Variants in GINS1 observed in about 807,000 individuals in gnomAD.
The protein encoded by GINS1 is GINS complex subunit 1.
GINS1 carries 26 observed loss-of-function variants against 34.9 expected under a neutral mutation model. That is an observed-to-expected ratio of 0.74 (90% CI 0.55 to 1.03). GINS1 has a LOEUF of 1.03. GINS1 is among the 50% of genes least tolerant of loss of function. The pLI, the probability that GINS1 is intolerant of heterozygous loss-of-function variation, is 0.00. For missense variants in GINS1, 235 were observed against 237.9 expected (o/e 0.99, Z 0.08); for synonymous variants, 97 against 84.4 (o/e 1.15, Z -0.82).
chr20:25,417,057 T>C (rs764531210), intron 2 of GINS1, 47 bp from the exon 3 acceptor site: 4 of 859,770 alleles, frequency 4.7e-6, no homozygotes, highest in Non-Finnish European at 7.7e-6. Flanking sequence ...AAATTTTACT[T>C]ATCCTGAAAA....
Position 25,417,086 on chromosome 20 carries a change from TTTAAATGCTCC to T in GINS1, c.141-16_141-6del, listed in dbSNP as rs2090325235. Reference sequence around the variant, plus strand: ...CTGAAAAGTACATATTTTTTTTCTTTTTAAATGCTCCTATCAGGAATGAAGCAAAGTCAGGT... The same window carrying T: ...CTGAAAAGTACATATTTTTTTTCTTTTATCAGGAATGAAGCAAAGTCAGGT... On this transcript the variant is annotated splice_polypyrimidine_tract_variant and splice_region_variant and intron_variant, in intron 2 of 6. Coordinates refer to ENST00000262460, the MANE Select transcript of GINS1 (RefSeq NM_021067.5). 1 of 1,228,488 alleles carries T rather than the reference TTTAAATGCTCC, an allele frequency of 8.1e-7. No individual in the cohort carries two copies. Among genetic ancestry groups the T allele is most frequent in the African/African-American group, 1.5e-5 (1 of 66,428 alleles). The allele number at this position is 1,228,488 out of a possible 1,614,324, so 76.1% of individuals were successfully genotyped here.
At position 25,446,127 on chromosome 20, in the gene GINS1, T is replaced by C. The variant is rs970528777; in HGVS notation, c.*136T>C. The C allele has an allele frequency of 5.9e-6, 3 of 511,072 alleles. No homozygotes were observed. Among genetic ancestry groups the C allele is most frequent in the Non-Finnish European group, 1.0e-5 (3 of 286,228 alleles). 31.7% of individuals were successfully genotyped at this position (511,072 alleles called of 1,614,324 possible). ...TTTAAGATAACTAAGAATACTTGGCTAAGAAGTATAATTTGCTAACTATTA... is the reference window on the plus strand; with the variant it reads ...TTTAAGATAACTAAGAATACTTGGCCAAGAAGTATAATTTGCTAACTATTA... On this transcript the variant is annotated 3_prime_UTR_variant, in exon 7 of 7. Coordinates refer to ENST00000262460, the MANE Select transcript of GINS1 (RefSeq NM_021067.5).
chr20:25,424,205 G>GT (rs1263124427), intron 4 of GINS1, among the ~76,000 whole-genome samples: 1 of 152,104 alleles, frequency 6.6e-6, no homozygotes, highest in Non-Finnish European at 1.5e-5. Context: ...TGTAATTACT[G>GT]TAACTATATA....
At chr20:25,416,365 G>A (rs1472709477) in intron 2 of GINS1, among the ~76,000 whole-genome samples, 3 of 152,162 alleles carry the variant, frequency 2.0e-5, no homozygotes, top group Admixed American at 6.5e-5. Context: ...GGTGGCAGAA[G>A]TATATAGAAC....
intron 5 of GINS1, among the ~76,000 whole-genome samples, chr20:25,435,403 A>G (rs924026485): frequency 1.3e-5 from 2 of 152,066 alleles, no homozygotes; most frequent in African/African-American, 2.4e-5. Context: ...GGCTGAAGCA[A>G]TCCACCTCAG....
intron 5 of GINS1, among the ~76,000 whole-genome samples, chr20:25,438,388 T>A (rs1251866960): frequency 6.6e-6 from 1 of 152,096 alleles, no homozygotes; most frequent in Admixed American, 6.6e-5. Flanking sequence ...GGGGCCAATT[T>A]GAAGGAGCTC....
intron 4 of GINS1, among the ~76,000 whole-genome samples, chr20:25,421,525 A>G (rs1488452634): frequency 6.6e-6 from 1 of 152,200 alleles, no homozygotes; most frequent in Non-Finnish European, 1.5e-5. Flanking sequence ...AAATAATAAC[A>G]TCTTTTGTTT....
In GINS1 at chr20:25,447,049, CTTTGT is replaced by C. The variant is rs1026706786; in HGVS notation, c.*1063_*1067del. 7.3e-6 allele frequency: 1 copy of C among 137,756 alleles called. No homozygotes were observed. Among genetic ancestry groups the C allele is most frequent in the Non-Finnish European group, 1.6e-5 (1 of 63,304 alleles). 8.5% of individuals were successfully genotyped at this position (137,756 alleles called of 1,614,324 possible). On this transcript the variant is annotated 3_prime_UTR_variant, in exon 7 of 7. Transcript: ENST00000262460. ...TTTTGTTTTGTTTTTTCGTTTGTTT[CTTTGT>C]TTTGAGATGGAGTCTTGTTCTGTCA...
At chr20:25,431,997 A>G (rs2090429674) in intron 5 of GINS1, among the ~76,000 whole-genome samples, 1 of 151,768 alleles carries the variant, frequency 6.6e-6, no homozygotes, top group South Asian at 2.1e-4. Flanking sequence ...CCTCCCAAGT[A>G]GAGTACCTGG....
In GINS1 at chr20:25,425,259, T is replaced by C; in HGVS notation, c.379T>C (p.Ser127Pro). ...YKRSLATYMR[S>P]LGGDEGLDIT... ...AAGATCTCTTGCTACTTATATGAGGTCACTGGGAGGAGATGAAGGTTTGGA... is the reference window on the plus strand; with the variant it reads ...AAGATCTCTTGCTACTTATATGAGGCCACTGGGAGGAGATGAAGGTTTGGA... Residue 127 changes from serine to proline, a missense_variant, in exon 5 of 7, where the codon TCA (serine) becomes CCA (proline). Physicochemically the swap from Ser to Pro is moderately conservative, Grantham distance 74 (BLOSUM62 -1). Transcript: ENST00000262460. The C allele has an allele frequency of 6.4e-7, 1 of 1,570,790 alleles. No homozygotes were observed. The highest frequency in any genetic ancestry group is 1.3e-5 in the African/African-American group (1 of 74,168).
chr20:25,433,518 A>G (rs571792282), intron 5 of GINS1, among the ~76,000 whole-genome samples: 17 of 152,258 alleles, frequency 1.1e-4, no homozygotes, highest in South Asian at 4.2e-4. Flanking sequence ...TTGTTATACC[A>G]TATCATTTTT....
At chr20:25,427,999 G>A (rs1374456529) in intron 5 of GINS1, among the ~76,000 whole-genome samples, 1 of 151,186 alleles carries the variant, frequency 6.6e-6, no homozygotes, top group Non-Finnish European at 1.5e-5. Context: ...AGCCTCCTGA[G>A]TAGCTGGGAT....
At chr20:25,414,167 C>T (rs564231635) in intron 2 of GINS1, among the ~76,000 whole-genome samples, 17 of 115,062 alleles carry the variant, frequency 1.5e-4, no homozygotes, top group South Asian at 1.4e-3. Context: ...TCCAGCCTGG[C>T]GATAGGGCAA....
chr20:25,446,048 T>C lies in GINS1; in HGVS notation c.*57T>C. ...AACTCATGGACTCCTCTGTACTCACTCTCTCCACCACTCCCTTCACCTCCC... is the reference window on the plus strand; with the variant it reads ...AACTCATGGACTCCTCTGTACTCACCCTCTCCACCACTCCCTTCACCTCCC... On this transcript the variant is annotated 3_prime_UTR_variant, in exon 7 of 7. Transcript: ENST00000262460. 1 of 870,192 alleles carries C rather than the reference T, an allele frequency of 1.1e-6. No homozygotes were observed. Among genetic ancestry groups the C allele is most frequent in the Non-Finnish European group, 1.8e-6 (1 of 546,626 alleles). The allele number at this position is 870,192 out of a possible 1,614,324, so 53.9% of individuals were successfully genotyped here.
Position 25,422,411 on chromosome 20 carries a change from C to CA in GINS1, c.331-2793dup, listed in dbSNP as rs1481998400. On this transcript the variant is annotated intron_variant, in intron 4 of 6. Coordinates refer to ENST00000262460, the MANE Select transcript of GINS1 (RefSeq NM_021067.5). ...CAACAGGGTGAAACCCTATCTCTAC[C>CA]AAAAAAAGAAAAAAAAAAACAAAAA... Among the ~76,000 whole-genome samples, 978 of 149,316 alleles carry CA rather than the reference C, an allele frequency of 6.5e-3. 15 individuals are homozygous for CA. Among genetic ancestry groups the CA allele is most frequent in the African/African-American group, 0.023 (936 of 40,664 alleles).
chr20:25,441,689 T>G lies in GINS1; in HGVS notation c.448-13T>G. ...ACTAATTTAGATAAAACATCTCTCA[T>G]TTTTTCTTTCAGGTCCGGTGTCTAA... On this transcript the variant is annotated splice_polypyrimidine_tract_variant and intron_variant, in intron 5 of 6. Transcript: ENST00000262460. The G allele has an allele frequency of 7.1e-7, 1 of 1,414,708 alleles. No individual in the cohort carries two copies. Among genetic ancestry groups the G allele is most frequent in the Non-Finnish European group, 9.8e-7 (1 of 1,015,286 alleles). 87.6% of individuals were successfully genotyped at this position (1,414,708 alleles called of 1,614,324 possible).
rs77113924 is a variant in GINS1 at position 25,428,969 on chromosome 20, C to CTTTTTTTTTTTTTT, written c.447+3666_447+3679dup. On this transcript the variant is annotated intron_variant, in intron 5 of 6. Coordinates refer to ENST00000262460, the MANE Select transcript of GINS1 (RefSeq NM_021067.5). ...GGGTCCTCCACCTTCATTCCTCTCTCTTTTTTTTTTTTTTTTTTTTTTTTT... is the reference window on the plus strand; with the variant it reads ...GGGTCCTCCACCTTCATTCCTCTCTCTTTTTTTTTTTTTTTTTTTTTTTTTTTTTTTTTTTTTTT... 7.1e-5 allele frequency among the ~76,000 whole-genome samples: 9 copies of CTTTTTTTTTTTTTT among 127,440 alleles called. 1 individual carries two copies. Among genetic ancestry groups the CTTTTTTTTTTTTTT allele is most frequent in the African/African-American group, 8.7e-5 (3 of 34,536 alleles). The allele number at this position is 127,440 out of a possible 152,430, so 83.6% of individuals were successfully genotyped here.
intron 1 of GINS1, 99 bp downstream of exon 1, chr20:25,407,994 C>T: frequency 2.4e-6 from 2 of 822,286 alleles, no homozygotes; most frequent in South Asian, 1.5e-5. Flanking sequence ...CACCTTGTTC[C>T]CTCCGAGCTC....
chr20:25,440,930 C>G (rs532565359), intron 5 of GINS1, among the ~76,000 whole-genome samples: 1 of 151,796 alleles, frequency 6.6e-6, no homozygotes, highest in Non-Finnish European at 1.5e-5. Flanking sequence ...GGTAAGGTTC[C>G]GGAGGGATGG....
Sources: allele counts gnomAD v4.1 joint callset (sites outside exome capture counted in the v4.1 genomes callset), GRCh38; gene constraint gnomAD v4.1.1; transcripts MANE v1.5; gene names NCBI Gene and HGNC (gene_info 2026-07-23, HGNC 2026-07-21).